DPYD: variants seen among roughly 807,000 people sequenced by gnomAD.
DPYD encodes the protein dihydropyrimidine dehydrogenase.
A neutral mutation model predicts 116.2 loss-of-function variants in DPYD; 109 were observed. That is an observed-to-expected ratio of 0.94 (90% CI 0.80 to 1.10). The LOEUF (loss-of-function observed/expected upper bound fraction) is 1.10, where lower values mean the gene tolerates loss of function less well. DPYD is among the 50% of genes least tolerant of loss of function. The probability of loss-of-function intolerance (pLI) is 0.00; values close to 1 mark genes in which losing one functional copy is unlikely to be tolerated. For missense variants in DPYD, 1,302 were observed against 1,254.5 expected (o/e 1.04, Z -0.57); for synonymous variants, 440 against 432.0 (o/e 1.02, Z -0.23).
Position 97,790,394 on chromosome 1 carries a change from T to C in DPYD, c.233+37720A>G, listed in dbSNP as rs573234983. Reference sequence around the variant, plus strand: ...TATTTCTTAAACATATTGAAAAGGATGATACAAAGCCCAGAAGGATTCTAC... The same window carrying C: ...TATTTCTTAAACATATTGAAAAGGACGATACAAAGCCCAGAAGGATTCTAC... On this transcript the variant is annotated intron_variant, in intron 3 of 22. Transcript: ENST00000370192. Among the ~76,000 whole-genome samples the C allele has an allele frequency of 1.6e-4, 24 of 152,198 alleles. 1 individual carries two copies. Among genetic ancestry groups the C allele is most frequent in the African/African-American group, 5.8e-4 (24 of 41,534 alleles).
At position 97,404,178 on chromosome 1, in the gene DPYD, T is replaced by C. The variant is rs72728488; in HGVS notation, c.1906-21717A>G. Among the ~76,000 whole-genome samples the C allele has an allele frequency of 9.6e-3, 1,461 of 152,188 alleles. 16 individuals are homozygous for C. The highest frequency in any genetic ancestry group is 0.014 in the South Asian group (67 of 4,822). On this transcript the variant is annotated intron_variant, in intron 14 of 22. Coordinates refer to ENST00000370192, the MANE Select transcript of DPYD (RefSeq NM_000110.4). ...AGAGACTTTATGATTTCTGTCCTTT[T>C]AAAATTTAAGGTATGTTTTATGGTC...
intron 19 of DPYD, among the ~76,000 whole-genome samples, chr1:97,220,544 T>C (rs898020222): frequency 6.6e-6 from 1 of 152,178 alleles, no homozygotes; most frequent in Non-Finnish European, 1.5e-5. Context: ...AGAATATCCT[T>C]GTATCCTTGA....
At chr1:97,184,426 C>A (rs1281691612) in intron 20 of DPYD, among the ~76,000 whole-genome samples, 2 of 152,104 alleles carry the variant, frequency 1.3e-5, no homozygotes, top group Non-Finnish European at 2.9e-5. Context: ...TCACCAGCAT[C>A]TATTATTTTT....
At chr1:97,323,301 T>A (rs1338365479) in intron 16 of DPYD, among the ~76,000 whole-genome samples, 1 of 148,624 alleles carries the variant, frequency 6.7e-6, no homozygotes, top group African/African-American at 2.5e-5. Flanking sequence ...TATGTGTATA[T>A]GTACACGTAT....
chr1:97,332,663 A>G (rs1428917449), intron 16 of DPYD, among the ~76,000 whole-genome samples: 2 of 152,160 alleles, frequency 1.3e-5, no homozygotes, highest in Admixed American at 6.5e-5. Context: ...TTGATTCCTG[A>G]CATAGTATGA....
At chr1:97,814,562 G>C (rs193063859) in intron 3 of DPYD, among the ~76,000 whole-genome samples, 84 of 152,166 alleles carry the variant, frequency 5.5e-4, no homozygotes, top group African/African-American at 2.0e-3. Flanking sequence ...GATTAGATGC[G>C]CATGTGAGAG....
chr1:97,138,590 A>T (rs971753353), intron 20 of DPYD, among the ~76,000 whole-genome samples: 4 of 152,034 alleles, frequency 2.6e-5, no homozygotes, highest in African/African-American at 9.7e-5. Flanking sequence ...TATTTGCTTA[A>T]TAAACTGCAT....
intron 2 of DPYD, among the ~76,000 whole-genome samples, chr1:97,872,808 G>C (rs1671726633): frequency 6.6e-6 from 1 of 151,740 alleles, no homozygotes. Context: ...TCTGTGGAGA[G>C]GTCCTCAGCA....
In DPYD at chr1:97,229,587, T is replaced by TATATATAA. The variant is rs1434809487; in HGVS notation, c.2442+5264_2442+5265insTTATATAT. 2.3e-3 allele frequency among the ~76,000 whole-genome samples: 147 copies of TATATATAA among 64,666 alleles called. 4 individuals carry two copies. Among genetic ancestry groups the TATATATAA allele is most frequent in the African/African-American group, 8.0e-3 (139 of 17,286 alleles). 42.4% of individuals were successfully genotyped at this position (64,666 alleles called of 152,430 possible). On this transcript the variant is annotated intron_variant, in intron 19 of 22. Transcript: ENST00000370192. The stretch of plus-strand genomic sequence containing the variant: ...ATATATATATATATATATATATATA[T>TATATATAA]ATACTGATTTTAATTCATACTTTAG...
chr1:97,908,650 A>T (rs1673767973), intron 1 of DPYD, among the ~76,000 whole-genome samples: 1 of 151,972 alleles, frequency 6.6e-6, no homozygotes, highest in South Asian at 2.1e-4. Flanking sequence ...TATAGTCTTG[A>T]CTTTACCATG....
chr1:97,696,737 C>T (rs1025595066), intron 6 of DPYD, among the ~76,000 whole-genome samples: 3 of 151,952 alleles, frequency 2.0e-5, no homozygotes, highest in Admixed American at 6.6e-5. Context: ...AACAACTTTC[C>T]GTTCTTTTTA....
chr1:97,491,941 G>C (rs1678998600), intron 13 of DPYD, among the ~76,000 whole-genome samples: 1 of 151,986 alleles, frequency 6.6e-6, no homozygotes, highest in Non-Finnish European at 1.5e-5. Flanking sequence ...AATGTTACAG[G>C]GCTTATTATG....
chr1:97,587,538 T>C (rs1321510906), intron 10 of DPYD, among the ~76,000 whole-genome samples: 1 of 152,116 alleles, frequency 6.6e-6, no homozygotes, highest in Non-Finnish European at 1.5e-5. Flanking sequence ...AGAAAATACA[T>C]GTTTAGGCCA....
In DPYD at chr1:97,568,157, A is replaced by T. The variant is rs186367227; in HGVS notation, c.1339+5603T>A. ...ATATTGAACAATTTCTCATTAAAAA[A>T]ATCATGAATGTATGAGCATCTGCTT... On this transcript the variant is annotated intron_variant, in intron 11 of 22. Transcript: ENST00000370192. Among the ~76,000 whole-genome samples the T allele has an allele frequency of 8.2e-4, 125 of 152,266 alleles. No homozygotes were observed. In the Middle Eastern group the frequency reaches 0.02, roughly 25 times the overall value.
chr1:97,316,759 T>G (rs556943089), intron 16 of DPYD, among the ~76,000 whole-genome samples: 1 of 151,900 alleles, frequency 6.6e-6, no homozygotes, highest in Non-Finnish European at 1.5e-5. Context: ...CTTTCTGGAT[T>G]GGATCCCTCT....
intron 14 of DPYD, 75 bp from the exon 15 acceptor site, chr1:97,382,536 A>G: frequency 1.3e-6 from 1 of 783,132 alleles, no homozygotes; most frequent in Non-Finnish European, 1.9e-6. Flanking sequence ...TAATATTTAC[A>G]TAAATTTATA....
At chr1:97,488,281 G>A (rs1293719252) in intron 13 of DPYD, among the ~76,000 whole-genome samples, 1 of 152,144 alleles carries the variant, frequency 6.6e-6, no homozygotes, top group Non-Finnish European at 1.5e-5. Flanking sequence ...GGAATGCAGA[G>A]AGTGAGGGGA....
intron 2 of DPYD, among the ~76,000 whole-genome samples, chr1:97,875,322 A>C (rs1190383288): frequency 1.3e-5 from 2 of 152,006 alleles, no homozygotes; most frequent in South Asian, 2.1e-4. Context: ...TATCATAAGA[A>C]TCATCTGGAT....
At chr1:97,154,177 G>A (rs1290480667) in intron 20 of DPYD, among the ~76,000 whole-genome samples, 1 of 152,088 alleles carries the variant, frequency 6.6e-6, no homozygotes, top group African/African-American at 2.4e-5. Context: ...GTCATCATAC[G>A]AAAAAGATAC....
Sources: gnomAD v4.1 joint callset for allele counts (sites outside exome capture counted in the v4.1 genomes callset) on GRCh38, gnomAD v4.1.1 for gene constraint, MANE v1.5 for transcripts, NCBI Gene and HGNC (gene_info 2026-07-23, HGNC 2026-07-21) for gene names.